TIPARP: variants seen among roughly 807,000 people sequenced by gnomAD.
The protein encoded by TIPARP is protein mono-ADP-ribosyltransferase TIPARP.
Under a neutral mutation model 56.5 loss-of-function variants are expected in TIPARP, and 12 were observed. The observed-to-expected ratio is 0.21, with a 90% CI of 0.14 to 0.34. The LOEUF is 0.34. Among genes scored for constraint, TIPARP ranks in the 10% least tolerant of loss-of-function variants. The pLI, the probability that TIPARP is intolerant of heterozygous loss-of-function variation, is 1.00. For synonymous variants in TIPARP, 296 were observed against 265.7 expected (o/e 1.11, Z -1.11); for missense variants, 604 against 781.6 (o/e 0.77, Z 2.71).
intron 2 of TIPARP, chr3:156,681,081 C>A: frequency 2.2e-6 from 1 of 452,126 alleles, no homozygotes; most frequent in Non-Finnish European, 4.5e-6. Context: ...TCATTGCAAC[C>A]TGGTTTTCCT....
intron 2 of TIPARP, among the ~76,000 whole-genome samples, chr3:156,682,254 TGAAA>T (rs1722327623): frequency 6.6e-6 from 1 of 152,238 alleles, no homozygotes; most frequent in Non-Finnish European, 1.5e-5. Flanking sequence ...CTGAATTTAT[TGAAA>T]GAGAGTGGAG....
At chr3:156,699,269 C>T (rs181886525) in intron 4 of TIPARP, among the ~76,000 whole-genome samples, 1 of 152,330 alleles carries the variant, frequency 6.6e-6, no homozygotes, top group Admixed American at 6.5e-5. Context: ...GAAAGAAGTT[C>T]TGCGGGTAAA....
intron 2 of TIPARP, among the ~76,000 whole-genome samples, chr3:156,693,155 A>G (rs1722619891): frequency 6.6e-6 from 1 of 152,148 alleles, no homozygotes; most frequent in Non-Finnish European, 1.5e-5. Flanking sequence ...ACTTTCAAAC[A>G]TACACAAAAA....
chr3:156,697,025 G>C (rs1392388107), intron 4 of TIPARP, among the ~76,000 whole-genome samples: 1 of 152,122 alleles, frequency 6.6e-6, no homozygotes, highest in South Asian at 2.1e-4. Flanking sequence ...AAAAATCCCT[G>C]AAATGATCAG....
chr3:156,693,859 A>G (rs557662874), intron 2 of TIPARP, among the ~76,000 whole-genome samples, 161 bp from the exon 3 acceptor site: 3 of 152,352 alleles, frequency 2.0e-5, no homozygotes, highest in African/African-American at 7.2e-5. Flanking sequence ...TGTGGAAACA[A>G]CCGGCAATAA....
At chr3:156,697,135 T>C (rs1244465551) in intron 4 of TIPARP, among the ~76,000 whole-genome samples, 1 of 152,192 alleles carries the variant, frequency 6.6e-6, no homozygotes, top group Non-Finnish European at 1.5e-5. Context: ...AAATTTTACC[T>C]TGTAGGGTTT....
At chr3:156,686,437 A>G (rs534792823) in intron 2 of TIPARP, among the ~76,000 whole-genome samples, 10 of 152,314 alleles carry the variant, frequency 6.6e-5, no homozygotes, top group South Asian at 2.1e-4. Context: ...TTCTCTAGCA[A>G]TTTGTTTAAA....
chr3:156,675,356 G>C (rs889942035), intron 1 of TIPARP: 1 of 152,432 alleles, frequency 6.6e-6, no homozygotes, highest in African/African-American at 2.4e-5. Flanking sequence ...GCTCAGTTCT[G>C]CGAGCCCCCA....
chr3:156,685,264 T>C (rs191385041), intron 2 of TIPARP, among the ~76,000 whole-genome samples: 11 of 152,342 alleles, frequency 7.2e-5, no homozygotes, highest in Admixed American at 3.3e-4. Flanking sequence ...CACAACAAAA[T>C]GTGTCTGTCT....
rs551058720 is a variant in TIPARP, at chr3:156,684,561, G to A, written c.917+5947G>A. On this transcript the variant is annotated intron_variant, in intron 2 of 5. Coordinates refer to ENST00000295924, the MANE Select transcript of TIPARP (RefSeq NM_015508.5). Reference sequence around the variant, plus strand: ...AATTCTCCTGCCTCAGCCTTCCTGAGTAGCTGAGATTACAGGCATGCGCCA... The same window carrying A: ...AATTCTCCTGCCTCAGCCTTCCTGAATAGCTGAGATTACAGGCATGCGCCA... 1.0e-3 allele frequency among the ~76,000 whole-genome samples: 158 copies of A among 152,272 alleles called. 2 individuals carry two copies. Among genetic ancestry groups the A allele is most frequent in the Non-Finnish European group, 1.6e-3 (110 of 68,024 alleles).
chr3:156,702,356 G>T (rs766613601), intron 4 of TIPARP, among the ~76,000 whole-genome samples: 4 of 152,032 alleles, frequency 2.6e-5, no homozygotes, highest in Admixed American at 6.6e-5. Context: ...ATCTTACAGG[G>T]TTATTGTGAC....
At position 156,678,609 on chromosome 3, in the gene TIPARP, G is replaced by T. The variant is rs776778193; in HGVS notation, c.912G>T (p.Lys304Asn). 11 of 1,609,436 alleles carry T rather than the reference G, an allele frequency of 6.8e-6. No homozygotes were observed. The African/African-American group carries it at 1.2e-4, about 18-fold the overall frequency. Residue 304 changes from lysine (K) to asparagine (N), a missense_variant, in exon 2 of 6, where the codon AAG becomes AAT. By Grantham distance (94) the Lys-to-Asn change is moderately conservative (BLOSUM62 0). Coordinates refer to ENST00000295924, the MANE Select transcript of TIPARP (RefSeq NM_015508.5). Reference sequence around the variant, plus strand: ...CAGAAAATGATAGAATGAGAATGAAGTATGGGTATGTATTTATAACAACTT... The same window carrying T: ...CAGAAAATGATAGAATGAGAATGAATTATGGGTATGTATTTATAACAACTT... The part of the protein sequence containing the change: ...CNPENDRMRM[K>N]YGGQEFWADL...
chr3:156,679,301 G>T (rs1275490052), intron 2 of TIPARP, among the ~76,000 whole-genome samples: 1 of 151,988 alleles, frequency 6.6e-6, no homozygotes, highest in Non-Finnish European at 1.5e-5. Flanking sequence ...TTGAGTTTTG[G>T]TACACAAGAT....
At position 156,681,724 on chromosome 3, in the gene TIPARP, G is replaced by A. The variant is rs144176714; in HGVS notation, c.917+3110G>A. ...AATAATACATGCTTATTTGTTCCTTGTAATGAAATTATGATGTAATCCCAC... is the reference window on the plus strand; with the variant it reads ...AATAATACATGCTTATTTGTTCCTTATAATGAAATTATGATGTAATCCCAC... On this transcript the variant is annotated intron_variant, in intron 2 of 5. Coordinates refer to ENST00000295924, the MANE Select transcript of TIPARP (RefSeq NM_015508.5). 6.6e-4 allele frequency among the ~76,000 whole-genome samples: 101 copies of A among 152,208 alleles called. 1 individual carries two copies. The highest frequency in any genetic ancestry group is 2.1e-3 in the African/African-American group (86 of 41,524).
chr3:156,679,083 C>G (rs1559970612), intron 2 of TIPARP, among the ~76,000 whole-genome samples: 1 of 152,144 alleles, frequency 6.6e-6, no homozygotes. Flanking sequence ...GTATAAACAT[C>G]TTTTCTGTGA....
At chr3:156,690,651 C>G (rs550088428) in intron 2 of TIPARP, among the ~76,000 whole-genome samples, 1 of 152,242 alleles carries the variant, frequency 6.6e-6, no homozygotes, top group South Asian at 2.1e-4. Context: ...AGTCTGTTCA[C>G]AAGGTTTTGT....
chr3:156,681,786 G>T (rs538860893), intron 2 of TIPARP, among the ~76,000 whole-genome samples: 1 of 152,096 alleles, frequency 6.6e-6, no homozygotes, highest in Admixed American at 6.5e-5. Context: ...ATCTACAAAC[G>T]TTCATTGCCA....
At chr3:156,688,695 A>T (rs942261807) in intron 2 of TIPARP, among the ~76,000 whole-genome samples, 57 of 152,178 alleles carry the variant, frequency 3.7e-4, no homozygotes, top group African/African-American at 1.4e-3. Flanking sequence ...AACACATTTG[A>T]AGGGATATAA....
chr3:156,700,311 T>G (rs1358138363), intron 4 of TIPARP, among the ~76,000 whole-genome samples: 1 of 151,820 alleles, frequency 6.6e-6, no homozygotes, highest in East Asian at 1.9e-4. Context: ...AGAGACAAGG[T>G]CTCACTATGT....
Sources: gnomAD v4.1 joint callset for allele counts (sites outside exome capture counted in the v4.1 genomes callset) on GRCh38, gnomAD v4.1.1 for gene constraint, MANE v1.5 for transcripts, NCBI Gene and HGNC (gene_info 2026-07-23, HGNC 2026-07-21) for gene names.